PDGFC: variants seen among roughly 807,000 people sequenced by gnomAD.
The protein encoded by PDGFC is platelet-derived growth factor C.
A neutral mutation model predicts 35.5 loss-of-function variants in PDGFC; 12 were observed. That is an observed-to-expected ratio of 0.34 (90% CI 0.22 to 0.55). The LOEUF (loss-of-function observed/expected upper bound fraction) is 0.55, where lower values mean the gene tolerates loss of function less well. Ranked by LOEUF, PDGFC falls within the 20% of genes least tolerant of loss-of-function variation. PDGFC has a pLI of 0.91. For synonymous variants in PDGFC, 159 were observed against 148.8 expected, an observed-to-expected ratio of 1.07 and a Z score of -0.50; for missense variants, 322 against 412.4, an observed-to-expected ratio of 0.78 and a Z score of 1.90.
intron 1 of PDGFC, among the ~76,000 whole-genome samples, chr4:156,879,772 C>A (rs987315132): frequency 2.0e-5 from 3 of 152,288 alleles, no homozygotes; most frequent in Admixed American, 6.5e-5. Flanking sequence ...CCCCCAGGAA[C>A]CTACAAAGTA....
chr4:156,880,399 T>C (rs1730213470), intron 1 of PDGFC, among the ~76,000 whole-genome samples: 1 of 152,148 alleles, frequency 6.6e-6, no homozygotes. Flanking sequence ...TATCTATTTT[T>C]ACAGCATGGT....
intron 1 of PDGFC, among the ~76,000 whole-genome samples, chr4:156,905,118 C>G (rs1479762397): frequency 2.0e-5 from 3 of 152,014 alleles, no homozygotes; most frequent in African/African-American, 7.2e-5. Flanking sequence ...CAAAAATGAT[C>G]AAGAAGCTGG....
intron 1 of PDGFC, among the ~76,000 whole-genome samples, chr4:156,876,051 A>G (rs1261778037): frequency 2.6e-5 from 4 of 152,222 alleles, no homozygotes; most frequent in African/African-American, 9.6e-5. Context: ...CCCGAGGAAG[A>G]AAACATGAGT....
chr4:156,969,765 A>T (rs1732549715), intron 1 of PDGFC, among the ~76,000 whole-genome samples: 1 of 152,234 alleles, frequency 6.6e-6, no homozygotes, highest in Non-Finnish European at 1.5e-5. Context: ...CAGTAAAAAC[A>T]TGTATATTCC....
intron 3 of PDGFC, among the ~76,000 whole-genome samples, chr4:156,775,043 C>T (rs183292204): frequency 6.6e-6 from 1 of 151,992 alleles, no homozygotes; most frequent in Admixed American, 6.6e-5. Context: ...TTTGCTCTAC[C>T]CATTAGTCTG....
chr4:156,851,989 AAAC>A (rs751673171), intron 1 of PDGFC, among the ~76,000 whole-genome samples: 34 of 151,694 alleles, frequency 2.2e-4, no homozygotes, highest in Non-Finnish European at 4.3e-4. Context: ...CCAATGAGAA[AAAC>A]AACAACAACA....
chr4:156,846,448 T>A (rs1729328247), intron 2 of PDGFC, among the ~76,000 whole-genome samples: 1 of 151,640 alleles, frequency 6.6e-6, no homozygotes, highest in Non-Finnish European at 1.5e-5. Flanking sequence ...TGAGAGACAG[T>A]CTGTAGAATG....
intron 4 of PDGFC, among the ~76,000 whole-genome samples, chr4:156,772,299 T>G (rs921565825): frequency 1.1e-4 from 16 of 152,180 alleles, no homozygotes; most frequent in African/African-American, 3.9e-4. Context: ...GATCCCCTTT[T>G]TCTATCCCTA....
intron 1 of PDGFC, among the ~76,000 whole-genome samples, chr4:156,867,921 C>T (rs1356997106): frequency 2.6e-5 from 4 of 152,046 alleles, no homozygotes; most frequent in South Asian, 2.1e-4. Flanking sequence ...CTCTGTCGCC[C>T]GGGCTGTAGT....
At chr4:156,915,132 C>G (rs932862256) in intron 1 of PDGFC, among the ~76,000 whole-genome samples, 2 of 152,158 alleles carry the variant, frequency 1.3e-5, no homozygotes, top group Non-Finnish European at 2.9e-5. Flanking sequence ...CAAAAGTTAT[C>G]AACTACCAAA....
intron 1 of PDGFC, among the ~76,000 whole-genome samples, chr4:156,885,142 T>C (rs1730343031): frequency 7.1e-6 from 1 of 141,712 alleles, no homozygotes; most frequent in Admixed American, 7.0e-5. Flanking sequence ...TACTTGTGCA[T>C]GTATGTGCAT....
chr4:156,961,704 T>C (rs1046145240), intron 1 of PDGFC, among the ~76,000 whole-genome samples: 2 of 152,148 alleles, frequency 1.3e-5, no homozygotes, highest in African/African-American at 4.8e-5. Flanking sequence ...TTAAAAGTGT[T>C]ATAACTGTTT....
intron 1 of PDGFC, among the ~76,000 whole-genome samples, chr4:156,950,177 A>G (rs150925565): frequency 6.6e-6 from 1 of 152,024 alleles, no homozygotes; most frequent in Non-Finnish European, 1.5e-5. Context: ...TCCGTTCTCC[A>G]GTTATCTGCC....
intron 1 of PDGFC, among the ~76,000 whole-genome samples, chr4:156,867,480 G>C (rs1365987178): frequency 6.6e-6 from 1 of 152,150 alleles, no homozygotes; most frequent in Non-Finnish European, 1.5e-5. Flanking sequence ...TGGTGGTAAT[G>C]GGTGATGGTC....
intron 2 of PDGFC, among the ~76,000 whole-genome samples, chr4:156,813,335 T>C (rs1306554422): frequency 1.3e-5 from 2 of 152,132 alleles, no homozygotes; most frequent in East Asian, 3.9e-4. Flanking sequence ...TGCTAGATTC[T>C]CAGGATACAA....
intron 2 of PDGFC, among the ~76,000 whole-genome samples, chr4:156,822,402 T>C (rs1366523759): frequency 8.3e-6 from 1 of 120,602 alleles, no homozygotes; most frequent in Non-Finnish European, 1.8e-5. Context: ...ATTTAACCAA[T>C]AAAGTGTGAA....
chr4:156,889,614 A>C (rs1730455815), intron 1 of PDGFC, among the ~76,000 whole-genome samples: 3 of 152,212 alleles, frequency 2.0e-5, no homozygotes, highest in African/African-American at 7.2e-5. Flanking sequence ...CCTTTTTGTC[A>C]TGGGTATTAA....
intron 2 of PDGFC, chr4:156,836,136 T>C (rs1729057310): frequency 6.6e-6 from 1 of 152,138 alleles, no homozygotes; most frequent in Non-Finnish European, 1.5e-5. Context: ...GAGGACAAGT[T>C]TACCCCACAG....
chr4:156,933,252 C>T (rs1731596086), intron 1 of PDGFC, among the ~76,000 whole-genome samples: 1 of 152,136 alleles, frequency 6.6e-6, no homozygotes, highest in Admixed American at 6.6e-5. Context: ...AATAAGATAT[C>T]CAAACTTAAC....
Sources: allele counts gnomAD v4.1 joint callset (sites outside exome capture counted in the v4.1 genomes callset), GRCh38; gene constraint gnomAD v4.1.1; transcripts MANE v1.5; gene names NCBI Gene and HGNC (gene_info 2026-07-23, HGNC 2026-07-21).